Variants in ARHGAP22 observed in about 807,000 individuals in gnomAD.
ARHGAP22 encodes the protein Rho GTPase activating protein 22, also known as rho GTPase-activating protein 22.
In ARHGAP22, 48 loss-of-function variants were observed where a neutral mutation model predicts 59.1. The ratio of observed to expected loss-of-function variants is 0.81; its 90% CI spans 0.64 to 1.03. The LOEUF (loss-of-function observed/expected upper bound fraction) is 1.03, where lower values mean the gene tolerates loss of function less well. ARHGAP22 is among the 50% of genes least tolerant of loss of function. The pLI is 0.00. For synonymous variants in ARHGAP22, 445 were observed against 416.4 expected (o/e 1.07, Z -0.84); for missense variants, 1,015 against 958.7 (o/e 1.06, Z -0.78).
chr10:48,561,997 T>C (rs4838625), intron 2 of ARHGAP22, among the ~76,000 whole-genome samples: 19,614 of 152,040 alleles, frequency 0.13, 2,389 homozygotes, highest in African/African-American at 0.32. Context: ...GGGGCCGAGG[T>C]GGGCAGATCA....
rs372901509 is a variant in ARHGAP22, at chr10:48,526,817, G to T, written c.322+28646C>A. 2.0e-5 allele frequency among the ~76,000 whole-genome samples: 3 copies of T among 152,278 alleles called. No homozygotes were observed. In the South Asian group the frequency reaches 6.2e-4, roughly 32 times the overall value. ...CGTTTAAATATATTTTGGGATACTC[G>T]ACTTTTCAAAGCGGCTTTAAATATC... On this transcript the variant is annotated intron_variant, in intron 3 of 9. Coordinates refer to ENST00000249601, the MANE Select transcript of ARHGAP22 (RefSeq NM_021226.4).
chr10:48,496,324 G>A (rs756874504), intron 3 of ARHGAP22, among the ~76,000 whole-genome samples: 47 of 152,032 alleles, frequency 3.1e-4, no homozygotes, highest in Non-Finnish European at 3.7e-4. Context: ...ATAAAGATGG[G>A]GACGGTAATA....
intron 4 of ARHGAP22, among the ~76,000 whole-genome samples, chr10:48,467,101 TCCTG>T (rs1284462456): frequency 1.3e-5 from 2 of 152,236 alleles, no homozygotes; most frequent in Non-Finnish European, 2.9e-5. Flanking sequence ...TCTGGCCTCT[TCCTG>T]CCTGGGCATC....
chr10:48,490,675 G>T (rs759495563), intron 3 of ARHGAP22, among the ~76,000 whole-genome samples: 1 of 152,166 alleles, frequency 6.6e-6, no homozygotes, highest in Non-Finnish European at 1.5e-5. Flanking sequence ...GGAGCCCCCT[G>T]GACTCTTCCT....
At chr10:48,578,554 C>G (rs886068116) in intron 2 of ARHGAP22, among the ~76,000 whole-genome samples, 2 of 128,902 alleles carry the variant, frequency 1.6e-5, no homozygotes, top group South Asian at 2.5e-4. Context: ...GTGTGTGTGT[C>G]TGTGTGTGTG....
At chr10:48,568,788 T>C (rs755826509) in intron 2 of ARHGAP22, among the ~76,000 whole-genome samples, 5 of 152,202 alleles carry the variant, frequency 3.3e-5, no homozygotes, top group East Asian at 1.9e-4. Flanking sequence ...GGAAGAGCCC[T>C]TGGGGACACA....
At position 48,451,251 on chromosome 10, in the gene ARHGAP22, GC is replaced by G. The variant is rs759188025; in HGVS notation, c.989-112del. ...CGTGGGAGCTGGCCCTGTCCCCAGA[GC>G]CAGGCCGCCCCTCAAGGGAGCCTTC... On this transcript the variant is annotated intron_variant, in intron 8 of 9. Transcript: ENST00000249601. 3,045 of 1,428,404 alleles carry G rather than the reference GC, an allele frequency of 2.1e-3. 3 individuals carry two copies. The highest frequency in any genetic ancestry group is 2.7e-3 in the Non-Finnish European group (2,778 of 1,037,310). 88.5% of individuals were successfully genotyped at this position (1,428,404 alleles called of 1,614,324 possible). A position where few individuals can be genotyped will look rare whatever the true frequency, so the allele number is the denominator to read the frequency against.
chr10:48,475,548 A>G (rs1232128897), intron 4 of ARHGAP22, among the ~76,000 whole-genome samples: 1 of 152,148 alleles, frequency 6.6e-6, no homozygotes, highest in Non-Finnish European at 1.5e-5. Flanking sequence ...TTAGCTTCCC[A>G]TTGCTTAGAT....
At chr10:48,485,416 A>G (rs985290084) in intron 3 of ARHGAP22, among the ~76,000 whole-genome samples, 4 of 152,194 alleles carry the variant, frequency 2.6e-5, no homozygotes, top group African/African-American at 9.7e-5. Context: ...ATTGTACCAG[A>G]ATATGGTATA....
intron 2 of ARHGAP22, among the ~76,000 whole-genome samples, chr10:48,572,345 C>T (rs1447699841): frequency 1.3e-5 from 2 of 152,176 alleles, no homozygotes; most frequent in Non-Finnish European, 2.9e-5. Context: ...GACTAACTGA[C>T]CCCCAACCCC....
At chr10:48,504,414 C>T (rs2051861960) in intron 3 of ARHGAP22, among the ~76,000 whole-genome samples, 2 of 152,154 alleles carry the variant, frequency 1.3e-5, no homozygotes, top group Admixed American at 6.5e-5. Flanking sequence ...GACAAGGCCC[C>T]CGCTCTCCTG....
chr10:48,493,472 T>A, intron 3 of ARHGAP22: 1 of 1,536,038 alleles, frequency 6.5e-7, no homozygotes, highest in Non-Finnish European at 8.7e-7. Context: ...TTCAGACACC[T>A]GATGGGCCAG....
chr10:48,438,880 T>A, the ARHGAP22 span: 1 of 152,234 alleles, frequency 6.6e-6, no homozygotes, highest in Non-Finnish European at 1.5e-5. Context: ...TCGGTCCATT[T>A]ACATTTTACA....
intron 1 of ARHGAP22, among the ~76,000 whole-genome samples, chr10:48,616,505 T>A (rs2061088387): frequency 6.6e-6 from 1 of 152,170 alleles, no homozygotes; most frequent in African/African-American, 2.4e-5. Context: ...GAATCCCACA[T>A]AGAATAAATT....
rs1463139287 is a variant in ARHGAP22, at chr10:48,459,376, G to A, written c.659+308C>T. On this transcript the variant is annotated intron_variant, in intron 5 of 9. Transcript: ENST00000249601. ...AGGCCTGGGGTCCGGATGCAGCTGC[G>A]CCTGGTCAGTCCTCACATGGGAGCC... Among the ~76,000 whole-genome samples the A allele has an allele frequency of 7.2e-5, 11 of 152,180 alleles. 1 individual carries two copies. Among genetic ancestry groups the A allele is most frequent in the Non-Finnish European group, 1.3e-4 (9 of 68,030 alleles).
exon 1 of ARHGAP22, chr10:48,652,536 G>A (rs1801786875): frequency 1.9e-6 from 1 of 538,468 alleles, no homozygotes; most frequent in Admixed American, 3.2e-5. Flanking sequence ...AAAGTCACGG[G>A]GTCTTGGGGT....
the ARHGAP22 span, among the ~76,000 whole-genome samples, chr10:48,439,645 C>T: frequency 2.0e-5 from 3 of 152,136 alleles, no homozygotes; most frequent in East Asian, 1.9e-4. Flanking sequence ...GAACAGCCAT[C>T]GTGACCACTT....
chr10:48,481,414 A>T (rs958277381), intron 3 of ARHGAP22, among the ~76,000 whole-genome samples: 8 of 152,198 alleles, frequency 5.3e-5, no homozygotes, highest in Non-Finnish European at 5.9e-5. Flanking sequence ...CTTGGAAAAA[A>T]AAAAGGAACC....
chr10:48,450,712 G>A lies in ARHGAP22; in HGVS notation c.1417C>T (p.Arg473Trp), dbSNP rs769696772. Residue 473 changes from arginine (R) to tryptophan (W), a missense_variant, in exon 9 of 10, where the codon CGG becomes TGG. Transcript: ENST00000249601. ...NGLSSLRGHRRASSGDRLKDS... is the reference protein window; with the variant it reads ...NGLSSLRGHRWASSGDRLKDS... Reference sequence around the variant, plus strand: ...TTGAGCCGGTCTCCCGACGAGGCCCGGCGGTGTCCGCGCAGGGAGGACAGC... The same window carrying A: ...TTGAGCCGGTCTCCCGACGAGGCCCAGCGGTGTCCGCGCAGGGAGGACAGC... The A allele has an allele frequency of 5.0e-5, 77 of 1,553,648 alleles. 1 individual carries two copies. In the African/African-American group the frequency reaches 7.8e-4, roughly 16 times the overall value.
Sources: gnomAD v4.1 joint callset for allele counts (sites outside exome capture counted in the v4.1 genomes callset) on GRCh38, gnomAD v4.1.1 for gene constraint, MANE v1.5 for transcripts, NCBI Gene and HGNC (gene_info 2026-07-23, HGNC 2026-07-21) for gene names.